MYO16: variants seen among roughly 807,000 people sequenced by gnomAD.
MYO16 encodes the protein myosin XVI, also known as unconventional myosin-XVI.
In MYO16, 94 loss-of-function variants were observed where a neutral mutation model predicts 205.3. The ratio of observed to expected loss-of-function variants is 0.46; its 90% confidence interval spans 0.39 to 0.54. The LOEUF (loss-of-function observed/expected upper bound fraction) is 0.54, where lower values mean the gene tolerates loss of function less well. MYO16 is among the 20% of genes least tolerant of loss of function. The pLI, the probability that MYO16 is intolerant of heterozygous loss-of-function variation, is 0.00. For synonymous variants in MYO16, 988 were observed against 954.0 expected, an observed-to-expected ratio of 1.04 and a Z score of -0.66; for missense variants, 2,315 against 2,387.5, an observed-to-expected ratio of 0.97 and a Z score of 0.63.
At chr13:108,899,004 C>T (rs1462674135) in intron 15 of MYO16, among the ~76,000 whole-genome samples, 1 of 152,128 alleles carries the variant, frequency 6.6e-6, no homozygotes, top group African/African-American at 2.4e-5. Context: ...TAAAGTTACC[C>T]TATTTTCCCT....
At chr13:109,099,416 A>G (rs1045399426) in intron 27 of MYO16, among the ~76,000 whole-genome samples, 1 of 152,210 alleles carries the variant, frequency 6.6e-6, no homozygotes, top group African/African-American at 2.4e-5. Context: ...TCAAACGGCA[A>G]ATTTCAACAA....
the MYO16 span, among the ~76,000 whole-genome samples, chr13:108,521,815 T>C: frequency 7.2e-5 from 11 of 152,210 alleles, no homozygotes; most frequent in Admixed American, 2.0e-4. Flanking sequence ...AATGGAGCAT[T>C]AGAGATTTCA....
At chr13:108,658,409 T>C (rs922135236) in intron 1 of MYO16, among the ~76,000 whole-genome samples, 4 of 144,004 alleles carry the variant, frequency 2.8e-5, no homozygotes, top group Non-Finnish European at 6.0e-5. Context: ...TTCTTCCTTC[T>C]TTTTTTTGTT....
intron 2 of MYO16, among the ~76,000 whole-genome samples, chr13:108,682,707 A>G (rs1594205589): frequency 6.6e-6 from 1 of 152,166 alleles, no homozygotes. Context: ...TGGAAGGGTC[A>G]GTGATGTGGG....
chr13:109,078,421 A>G (rs1888183654), intron 27 of MYO16, among the ~76,000 whole-genome samples: 1 of 152,192 alleles, frequency 6.6e-6, no homozygotes, highest in Non-Finnish European at 1.5e-5. Context: ...GGTCTGGGCA[A>G]CAGAGCAAAA....
intron 12 of MYO16, among the ~76,000 whole-genome samples, chr13:108,875,801 G>C (rs945714512): frequency 6.6e-6 from 1 of 152,170 alleles, no homozygotes; most frequent in South Asian, 2.1e-4. Flanking sequence ...TTGACCCCAG[G>C]GGGTGGAGTC....
At chr13:108,860,928 A>C (rs196153) in intron 11 of MYO16, among the ~76,000 whole-genome samples, 21,843 of 152,056 alleles carry the variant, frequency 0.14, 1,739 homozygotes, top group East Asian at 0.3. Flanking sequence ...TTTCTAGCTC[A>C]ATTTTTCTTC....
chr13:108,747,194 T>G lies in MYO16; in HGVS notation c.507+19611T>G, dbSNP rs1363722934. Among the ~76,000 whole-genome samples the G allele has an allele frequency of 2.0e-5, 3 of 152,172 alleles. No individual in the cohort carries two copies. In the East Asian group the frequency reaches 5.8e-4, roughly 29 times the overall value. On this transcript the variant is annotated intron_variant, in intron 4 of 34. Coordinates refer to ENST00000457511, the MANE Select transcript of MYO16 (RefSeq NM_001198950.3). Reference sequence around the variant, plus strand: ...TTAAACAACATAAACAGGAAAATTGTATAGGTCAGAATCTTTGACTACATG... The same window carrying G: ...TTAAACAACATAAACAGGAAAATTGGATAGGTCAGAATCTTTGACTACATG...
chr13:108,605,322 T>C (rs1321777513), intron 1 of MYO16, among the ~76,000 whole-genome samples: 3 of 152,144 alleles, frequency 2.0e-5, no homozygotes, highest in Admixed American at 6.5e-5. Flanking sequence ...ATCATCTGAT[T>C]TGCTCCATGT....
intron 20 of MYO16, among the ~76,000 whole-genome samples, chr13:108,981,503 C>G (rs549246100): frequency 2.0e-5 from 3 of 152,360 alleles, no homozygotes; most frequent in African/African-American, 7.2e-5. Flanking sequence ...CAGAATACAA[C>G]TGCAATGATG....
intron 1 of MYO16, among the ~76,000 whole-genome samples, chr13:108,651,821 C>T (rs112689717): frequency 0.015 from 2,288 of 152,210 alleles, 30 homozygotes; most frequent in Non-Finnish European, 0.021. Context: ...TAGGGCATAG[C>T]GTCTATATGT....
intron 4 of MYO16, among the ~76,000 whole-genome samples, chr13:108,754,775 G>C (rs565275768): frequency 6.6e-6 from 1 of 152,122 alleles, no homozygotes; most frequent in Non-Finnish European, 1.5e-5. Flanking sequence ...TCCTCCAGCA[G>C]TGGAATGTCA....
At chr13:108,760,233 AT>A in intron 4 of MYO16, among the ~76,000 whole-genome samples, 1 of 152,354 alleles carries the variant, frequency 6.6e-6, no homozygotes, top group South Asian at 2.1e-4. Flanking sequence ...AACAGCAGCA[AT>A]TTAGGCTGGA....
chr13:108,744,220 A>T (rs1884992326), intron 4 of MYO16, among the ~76,000 whole-genome samples: 1 of 152,170 alleles, frequency 6.6e-6, no homozygotes. Flanking sequence ...CTTCCTACTA[A>T]GAAACGATTG....
chr13:108,692,529 G>C (rs947146371), intron 2 of MYO16, among the ~76,000 whole-genome samples: 2 of 152,160 alleles, frequency 1.3e-5, no homozygotes, highest in Non-Finnish European at 2.9e-5. Context: ...GAGCAGCCTG[G>C]GAAGGAGTAG....
the MYO16 span, among the ~76,000 whole-genome samples, chr13:108,564,780 C>T: frequency 0.044 from 6,679 of 152,152 alleles, 441 homozygotes; most frequent in African/African-American, 0.15. Flanking sequence ...GTTTCATAGT[C>T]TGAGGTCTTA....
chr13:108,632,078 C>CAAAAAAAA (rs59971095), intron 1 of MYO16, among the ~76,000 whole-genome samples: 2 of 67,262 alleles, frequency 3.0e-5, no homozygotes, highest in African/African-American at 6.0e-5. Context: ...AACCCCAACT[C>CAAAAAAAA]AAAAAAAAAA....
In MYO16 at chr13:108,962,393, C is replaced by G. The variant is rs773753498; in HGVS notation, c.2156-31C>G. The G allele has an allele frequency of 3.8e-6, 6 of 1,565,532 alleles. No individual in the cohort carries two copies. The East Asian group carries it at 1.4e-4, about 35-fold the overall frequency. On this transcript the variant is annotated intron_variant, in intron 18 of 34. Transcript: ENST00000457511. ...TTCTTGGTATCAAAAAATATACTAA[C>G]TTTATGTTTATAATGCTGATTTAAT...
At chr13:109,083,378 C>T (rs528889285) in intron 27 of MYO16, among the ~76,000 whole-genome samples, 33 of 59,376 alleles carry the variant, frequency 5.6e-4, no homozygotes, top group Admixed American at 5.2e-3. Context: ...AGGGAAACTC[C>T]GTCTCAAAAA....
Sources: gnomAD v4.1 joint callset for allele counts (sites outside exome capture counted in the v4.1 genomes callset) on GRCh38, gnomAD v4.1.1 for gene constraint, MANE v1.5 for transcripts, NCBI Gene and HGNC (gene_info 2026-07-23, HGNC 2026-07-21) for gene names.